The following KIAA1328 variants were observed in gnomAD, a reference collection of about 807,000 sequenced individuals.
KIAA1328 encodes KIAA1328.
Under a neutral mutation model 68.1 loss-of-function variants are expected in KIAA1328, and 52 were observed. That is an observed-to-expected ratio of 0.76 (90% CI 0.61 to 0.96). KIAA1328 has a LOEUF of 0.96. KIAA1328 is among the 40% of genes least tolerant of loss of function. KIAA1328 has a pLI of 0.00. For synonymous variants in KIAA1328, 232 were observed against 239.4 expected (o/e 0.97, Z 0.28); for missense variants, 641 against 677.6 (o/e 0.95, Z 0.60).
intron 6 of KIAA1328, among the ~76,000 whole-genome samples, chr18:37,040,276 T>A (rs2055194058): frequency 6.6e-6 from 1 of 152,236 alleles, no homozygotes. Context: ...CTTACGAGTC[T>A]ATTCAGATTT....
At chr18:37,145,101 G>A (rs556612958) in intron 7 of KIAA1328, among the ~76,000 whole-genome samples, 46 of 152,070 alleles carry the variant, frequency 3.0e-4, no homozygotes, top group African/African-American at 1.0e-3. Context: ...CAGGCATGAT[G>A]GTACATGCCT....
At chr18:36,881,139 T>TTG (rs916560282) in intron 4 of KIAA1328, among the ~76,000 whole-genome samples, 5 of 151,426 alleles carry the variant, frequency 3.3e-5, no homozygotes, top group African/African-American at 1.2e-4. Flanking sequence ...TTAACTTGTT[T>TTG]TTTTTTTTTT....
At chr18:36,961,506 C>T (rs1406992841) in intron 6 of KIAA1328, among the ~76,000 whole-genome samples, 1 of 152,044 alleles carries the variant, frequency 6.6e-6, no homozygotes. Context: ...CCCCAAGACA[C>T]GTAATTGTCA....
At chr18:37,025,525 C>T (rs866447080) in intron 6 of KIAA1328, among the ~76,000 whole-genome samples, 8 of 152,212 alleles carry the variant, frequency 5.3e-5, no homozygotes, top group Non-Finnish European at 7.3e-5. Flanking sequence ...CAAACTGTCT[C>T]TCAGACCACA....
intron 7 of KIAA1328, among the ~76,000 whole-genome samples, chr18:37,093,216 A>C (rs994005991): frequency 6.6e-6 from 1 of 152,228 alleles, no homozygotes; most frequent in Non-Finnish European, 1.5e-5. Context: ...CACAGATATC[A>C]ATATAAGGAC....
intron 8 of KIAA1328, among the ~76,000 whole-genome samples, chr18:37,161,440 A>G (rs372618532): frequency 2.6e-5 from 4 of 152,324 alleles, no homozygotes; most frequent in South Asian, 4.1e-4. Flanking sequence ...GGGAGGGAGG[A>G]CTATCCACAA....
chr18:36,870,282 T>C (rs527387992), intron 4 of KIAA1328, among the ~76,000 whole-genome samples: 1 of 152,358 alleles, frequency 6.6e-6, no homozygotes, highest in East Asian at 1.9e-4. Flanking sequence ...TTTTGTCAAG[T>C]AATACTGAAT....
chr18:36,937,010 G>T (rs1598756847), intron 5 of KIAA1328, among the ~76,000 whole-genome samples: 1 of 152,182 alleles, frequency 6.6e-6, no homozygotes, highest in South Asian at 2.1e-4. Flanking sequence ...GCAAAAACAG[G>T]CATATAAACC....
At chr18:37,080,575 C>T (rs2056915676) in intron 7 of KIAA1328, among the ~76,000 whole-genome samples, 1 of 151,882 alleles carries the variant, frequency 6.6e-6, no homozygotes, top group East Asian at 1.9e-4. Flanking sequence ...ATGAGGTCGA[C>T]ACCATCCTGG....
intron 4 of KIAA1328, among the ~76,000 whole-genome samples, chr18:36,851,917 T>G (rs1017798715): frequency 1.3e-5 from 2 of 152,100 alleles, no homozygotes; most frequent in African/African-American, 4.8e-5. Flanking sequence ...GGTAGGAATT[T>G]ATAGCTATAA....
In KIAA1328 at chr18:37,077,409, C is replaced by T. The variant is rs866628766; in HGVS notation, c.1232+9864C>T. 7.4e-5 allele frequency among the ~76,000 whole-genome samples: 11 copies of T among 148,788 alleles called. 1 individual carries two copies. The highest frequency in any genetic ancestry group is 4.2e-4 in the South Asian group (2 of 4,768). On this transcript the variant is annotated intron_variant, in intron 7 of 9. Coordinates refer to ENST00000280020, the MANE Select transcript of KIAA1328 (RefSeq NM_020776.3). ...TGGGCAAAAACTGGAAGCATTCCCT[C>T]TGAAAACTGGCACAAGACAGGGATG...
intron 4 of KIAA1328, among the ~76,000 whole-genome samples, chr18:36,884,329 A>G (rs547305184): frequency 4.3e-4 from 66 of 152,310 alleles, no homozygotes; most frequent in Non-Finnish European, 6.8e-4. Flanking sequence ...GGTCCCATTC[A>G]TGGGCCTAGT....
At chr18:37,084,190 A>G (rs1008693135) in intron 7 of KIAA1328, 3 of 1,527,058 alleles carry the variant, frequency 2.0e-6, no homozygotes, top group Non-Finnish European at 2.6e-6. Context: ...ACTAAACCCC[A>G]AGAACTCAAA....
Position 37,222,568 on chromosome 18 carries a change from A to G in KIAA1328, c.*341A>G. 1 of 1,098,634 alleles carries G rather than the reference A, an allele frequency of 9.1e-7. No homozygotes were observed. The highest frequency in any genetic ancestry group is 1.1e-6 in the Non-Finnish European group (1 of 899,946). 68.1% of individuals were successfully genotyped at this position (1,098,634 alleles called of 1,614,324 possible). A position where few individuals can be genotyped will look rare whatever the true frequency, so the allele number is the denominator to read the frequency against. ...TTCCTTCTCAAACTTCTGCTAGAAA[A>G]TGCTGACTCACTTTTATATACAAGA... On this transcript the variant is annotated 3_prime_UTR_variant, in exon 10 of 10. Coordinates refer to ENST00000280020, the MANE Select transcript of KIAA1328 (RefSeq NM_020776.3).
chr18:36,956,548 G>C (rs1474498659), intron 5 of KIAA1328, among the ~76,000 whole-genome samples: 1 of 151,370 alleles, frequency 6.6e-6, no homozygotes, highest in African/African-American at 2.4e-5. Context: ...GGAAGTGGGG[G>C]GGGGGTGCAT....
chr18:37,120,173 C>T (rs1004052566), intron 7 of KIAA1328, among the ~76,000 whole-genome samples: 2 of 151,692 alleles, frequency 1.3e-5, no homozygotes, highest in African/African-American at 4.8e-5. Flanking sequence ...GCAGGGGAAG[C>T]ATAGATTAAA....
intron 6 of KIAA1328, among the ~76,000 whole-genome samples, chr18:37,021,013 T>C (rs997442300): frequency 6.6e-6 from 1 of 152,208 alleles, no homozygotes; most frequent in African/African-American, 2.4e-5. Flanking sequence ...GTGAATTGCC[T>C]GAGAAGCTAA....
intron 5 of KIAA1328, among the ~76,000 whole-genome samples, chr18:36,889,578 C>G (rs1731972268): frequency 6.6e-6 from 1 of 152,160 alleles, no homozygotes; most frequent in Non-Finnish European, 1.5e-5. Flanking sequence ...CACTGAGTAG[C>G]TATCTGATCC....
chr18:37,022,681 C>T (rs112715420), intron 6 of KIAA1328, among the ~76,000 whole-genome samples: 44 of 152,266 alleles, frequency 2.9e-4, no homozygotes, highest in African/African-American at 1.1e-3. Context: ...TTTAAGGAAT[C>T]TAGAGACCTA....
Sources: gnomAD v4.1 joint callset for allele counts (sites outside exome capture counted in the v4.1 genomes callset) on GRCh38, gnomAD v4.1.1 for gene constraint, MANE v1.5 for transcripts, NCBI Gene and HGNC (gene_info 2026-07-23, HGNC 2026-07-21) for gene names.